The following DDX50 variants were observed in gnomAD, a reference collection of about 807,000 sequenced individuals.
DDX50 encodes the protein ATP-dependent RNA helicase DDX50.
A neutral mutation model predicts 94.8 loss-of-function variants in DDX50; 56 were observed. The ratio of observed to expected loss-of-function variants is 0.59; its 90% CI spans 0.48 to 0.74. The LOEUF (loss-of-function observed/expected upper bound fraction) is 0.74. Among genes scored for constraint, DDX50 ranks in the 30% least tolerant of loss-of-function variants. The probability of loss-of-function intolerance (pLI) is 0.00; values close to 1 mark genes in which losing one functional copy is unlikely to be tolerated. For synonymous variants in DDX50, 264 were observed against 295.4 expected (o/e 0.89, Z 1.09); for missense variants, 713 against 881.2 (o/e 0.81, Z 2.42).
chr10:68,929,650 C>T lies in DDX50; in HGVS notation c.1240-4549C>T, dbSNP rs866835410. 3.5e-4 allele frequency among the ~76,000 whole-genome samples: 53 copies of T among 151,194 alleles called. No individual in the cohort carries two copies. In the Middle Eastern group the frequency reaches 0.017, roughly 50 times the overall value. On this transcript the variant is annotated intron_variant, in intron 8 of 14. Coordinates refer to ENST00000373585, the MANE Select transcript of DDX50 (RefSeq NM_024045.2). ...CATTTTGGCCAGGATAGTCTCAATCCCTTGACCTCATGATCCGCCCACCTT... is the reference window on the plus strand; with the variant it reads ...CATTTTGGCCAGGATAGTCTCAATCTCTTGACCTCATGATCCGCCCACCTT...
intron 4 of DDX50, chr10:68,911,810 T>C (rs1404201364): frequency 1.3e-5 from 2 of 152,196 alleles, no homozygotes; most frequent in African/African-American, 4.8e-5. Context: ...ACTGCTAGTT[T>C]ATATATTATT....
chr10:68,926,483 CATT>C (rs1222232561), intron 8 of DDX50, among the ~76,000 whole-genome samples: 1 of 151,956 alleles, frequency 6.6e-6, no homozygotes, highest in Admixed American at 6.6e-5. Context: ...AGTAGTATCT[CATT>C]ATGAGTTATA....
intron 8 of DDX50, among the ~76,000 whole-genome samples, chr10:68,929,294 T>TTCCTTCCTTC (rs372281464): frequency 0.18 from 19,479 of 107,320 alleles, 1,975 homozygotes; most frequent in East Asian, 0.28. Context: ...CCTTCCTTCC[T>TTCCTTCCTTC]CTCTCTCTCT....
In DDX50 at chr10:68,901,333, C is replaced by G; in HGVS notation, c.-52C>G. 6.8e-7 allele frequency: 1 copy of G among 1,476,894 alleles called. No individual in the cohort carries two copies. The highest frequency in any genetic ancestry group is 9.1e-7 in the Non-Finnish European group (1 of 1,103,846). 91.5% of individuals were successfully genotyped at this position (1,476,894 alleles called of 1,614,324 possible). Reference sequence around the variant, plus strand: ...CCCGCTTCCTTTCACGCTGTCGCTGCCCGTAGGTGGTTGTGGCCACTGTGC... The same window carrying G: ...CCCGCTTCCTTTCACGCTGTCGCTGGCCGTAGGTGGTTGTGGCCACTGTGC... On this transcript the variant is annotated 5_prime_UTR_variant, in exon 1 of 15. Transcript: ENST00000373585.
intron 11 of DDX50, 25 bp from the exon 12 acceptor site, chr10:68,936,911 C>T: frequency 6.5e-7 from 1 of 1,549,944 alleles, no homozygotes; most frequent in Non-Finnish European, 8.7e-7. Flanking sequence ...ATGTCTTGAC[C>T]AAGAATACTA....
At chr10:68,914,562 G>A (rs1230512131) in intron 7 of DDX50, among the ~76,000 whole-genome samples, 3 of 152,098 alleles carry the variant, frequency 2.0e-5, no homozygotes, top group East Asian at 1.9e-4. Context: ...AGAATAGTGC[G>A]GAGATAATTT....
rs772139932 is a variant in DDX50 at position 68,914,157 on chromosome 10, G to A, written c.1042G>A (p.Val348Ile). Residue 348 changes from valine (V) to isoleucine (I), a missense_variant, in exon 7 of 15, where the codon GTT (valine) becomes ATT (isoleucine). Physicochemically the swap from Val to Ile is conservative, Grantham distance 29 (BLOSUM62 3). Around this residue, in one of 2 missense-constraint regions of DDX50, gnomAD observed 428 missense variants for 602.3 expected, o/e 0.71. Transcript: ENST00000373585. ...KKYMKSRYEQVDLVGKMTQKA... is the reference protein window; with the variant it reads ...KKYMKSRYEQIDLVGKMTQKA... ...ATACATGAAATCCAGATATGAACAG[G>A]TTGACCTTGTTGGAAAAATGACTCA... 8 of 1,611,400 alleles carry A rather than the reference G, an allele frequency of 5.0e-6. No individual in the cohort carries two copies. In the African/African-American group the frequency reaches 9.4e-5, roughly 19 times the overall value.
Position 68,906,589 on chromosome 10 carries a change from G to C in DDX50, c.88-122G>C, listed in dbSNP as rs1841450008. ...TAGTAAGCAGTCTGGATTTCTACCA[G>C]GCAGGTTTTCAAAGTAACTGTAGAT... On this transcript the variant is annotated intron_variant, in intron 1 of 14. Transcript: ENST00000373585. 20 of 1,041,398 alleles carry C rather than the reference G, an allele frequency of 1.9e-5. No individual in the cohort carries two copies. The South Asian group carries it at 3.0e-4, about 15-fold the overall frequency. The allele number at this position is 1,041,398 out of a possible 1,614,324, so 64.5% of individuals were successfully genotyped here. A position where few individuals can be genotyped will look rare whatever the true frequency, so the allele number is the denominator to read the frequency against.
chr10:68,921,366 AC>A (rs1380907427), intron 8 of DDX50, among the ~76,000 whole-genome samples: 3 of 151,960 alleles, frequency 2.0e-5, no homozygotes, highest in Admixed American at 1.3e-4. Context: ...TATATGGATT[AC>A]TCCTTTATGC....
intron 8 of DDX50, among the ~76,000 whole-genome samples, chr10:68,931,622 C>T (rs1842277585): frequency 1.3e-5 from 2 of 151,050 alleles, no homozygotes; most frequent in South Asian, 2.1e-4. Flanking sequence ...TTAGTAGAGA[C>T]GGGGTCTCAC....
At chr10:68,936,502 AAAAAAAAAAAAAAATATAT>A (rs1842412719) in intron 11 of DDX50, among the ~76,000 whole-genome samples, 1 of 46,566 alleles carries the variant, frequency 2.1e-5, no homozygotes, top group African/African-American at 8.5e-5. Context: ...AAAAAAAAAA[AAAAAAAAAAAAAAATATAT>A]ATATATATAT....
intron 13 of DDX50, among the ~76,000 whole-genome samples, chr10:68,942,716 C>T (rs1255171354): frequency 3.9e-5 from 6 of 151,934 alleles, no homozygotes; most frequent in African/African-American, 1.2e-4. Flanking sequence ...CAGGCCCAAG[C>T]GATCCTCCCA....
chr10:68,908,006 A>G (rs1396885609), intron 2 of DDX50, among the ~76,000 whole-genome samples: 1 of 152,236 alleles, frequency 6.6e-6, no homozygotes, highest in East Asian at 1.9e-4. Context: ...CTCTTATCAT[A>G]GTAATATTGT....
chr10:68,917,202 A>G (rs1298785558), intron 7 of DDX50, among the ~76,000 whole-genome samples: 3 of 151,810 alleles, frequency 2.0e-5, no homozygotes, highest in East Asian at 2.0e-4. Context: ...GCTCACACCT[A>G]TAATCCCAGC....
At chr10:68,920,163 T>C (rs1841903011) in intron 8 of DDX50, among the ~76,000 whole-genome samples, 182 bp downstream of exon 8, 2 of 152,078 alleles carry the variant, frequency 1.3e-5, no homozygotes. Flanking sequence ...ATTTTATCAG[T>C]TTTGTTTGTT....
chr10:68,922,778 G>A (rs1168517514), intron 8 of DDX50, among the ~76,000 whole-genome samples: 2 of 150,412 alleles, frequency 1.3e-5, no homozygotes, highest in Admixed American at 1.3e-4. Context: ...GGGTGACAGA[G>A]TATGACCCTT....
At chr10:68,923,762 T>G (rs1186567845) in intron 8 of DDX50, among the ~76,000 whole-genome samples, 1 of 151,690 alleles carries the variant, frequency 6.6e-6, no homozygotes, top group Non-Finnish European at 1.5e-5. Context: ...CAGGCTGGTC[T>G]CGAACTGCTG....
intron 8 of DDX50, among the ~76,000 whole-genome samples, chr10:68,929,288 CCTTCCTCT>C (rs1158987200): frequency 4.6e-3 from 363 of 78,626 alleles, no homozygotes; most frequent in African/African-American, 0.012. Flanking sequence ...TTCCTTCCTT[CCTTCCTCT>C]CTCTCTCTCT....
At chr10:68,918,977 T>C (rs1367959617) in intron 7 of DDX50, among the ~76,000 whole-genome samples, 2 of 152,224 alleles carry the variant, frequency 1.3e-5, no homozygotes, top group Non-Finnish European at 2.9e-5. Context: ...TGTTTAGATA[T>C]GTTTAGAGAC....
Sources: allele counts gnomAD v4.1 joint callset (sites outside exome capture counted in the v4.1 genomes callset), GRCh38; gene constraint gnomAD v4.1.1; regional missense constraint gnomAD v4.1.1; transcripts MANE v1.5; gene names NCBI Gene and HGNC (gene_info 2026-07-23, HGNC 2026-07-21).